SARDH: variants seen among roughly 807,000 people sequenced by gnomAD.
The protein encoded by SARDH is sarcosine dehydrogenase, mitochondrial.
SARDH carries 95 observed loss-of-function variants against 109.1 expected under a neutral mutation model. The observed-to-expected ratio is 0.87, with a 90% CI of 0.74 to 1.03. The LOEUF (loss-of-function observed/expected upper bound fraction) is 1.03, where lower values mean the gene tolerates loss of function less well. Ranked by LOEUF, SARDH falls within the 50% of genes least tolerant of loss-of-function variation. The probability of loss-of-function intolerance (pLI) is 0.00; values close to 1 mark genes in which losing one functional copy is unlikely to be tolerated. For missense variants in SARDH, 1,267 were observed against 1,287.8 expected (o/e 0.98, Z 0.25); for synonymous variants, 572 against 534.8 (o/e 1.07, Z -0.96).
At chr9:133,689,458 C>A (rs78992322) in intron 16 of SARDH, among the ~76,000 whole-genome samples, 1 of 151,986 alleles carries the variant, frequency 6.6e-6, no homozygotes, top group Non-Finnish European at 1.5e-5. Context: ...CGTTTTCTCA[C>A]AGAGGATTTT....
intron 12 of SARDH, chr9:133,703,281 GGA>G: frequency 1.9e-6 from 1 of 528,084 alleles, no homozygotes; most frequent in Non-Finnish European, 3.4e-6. Flanking sequence ...GGAGGCTGGA[GGA>G]GGAGCTGGAT....
chr9:133,706,773 G>A (rs1169153403), intron 11 of SARDH, among the ~76,000 whole-genome samples: 18 of 152,250 alleles, frequency 1.2e-4, no homozygotes, highest in South Asian at 2.1e-4. Context: ...ACGAGGCCCC[G>A]AGCGCAGGGC....
rs187629617 is a variant in SARDH, at chr9:133,716,111, C to T, written c.1150+1215G>A. On this transcript the variant is annotated intron_variant, in intron 8 of 20. Transcript: ENST00000439388. ...ATCCGCGGCAGGCCCAGCGCTGACT[C>T]GCCCTCCAGGGCCGGGCTAGGCTGC... 4.3e-3 allele frequency among the ~76,000 whole-genome samples: 659 copies of T among 152,336 alleles called. 5 individuals carry two copies. Among genetic ancestry groups the T allele is most frequent in the African/African-American group, 0.015 (604 of 41,564 alleles).
At chr9:133,662,866 G>A (rs764328058), downstream of SARDH, among the ~76,000 whole-genome samples, 2 of 152,228 alleles carry the variant, frequency 1.3e-5, no homozygotes, top group Non-Finnish European at 2.9e-5. The surrounding 1 kb of genome is among the most constrained non-coding windows in gnomAD (Gnocchi z 5.1). Flanking sequence ...GGGGGACAAG[G>A]GAGGGGACTG....
At chr9:133,689,150 G>A (rs1326234612) in intron 16 of SARDH, among the ~76,000 whole-genome samples, 1 of 151,138 alleles carries the variant, frequency 6.6e-6, no homozygotes, top group Admixed American at 6.6e-5. Context: ...TGCTCACCTC[G>A]GCGACCTTCA....
rs545967012 is a variant in SARDH at position 133,704,337 on chromosome 9, C to A, written c.1554+611G>T. ...CTGTAAATCTGGATCAAATGCTACCCCTCAGCTGGCCTTAAGGCCTCGCGT... is the reference window on the plus strand; with the variant it reads ...CTGTAAATCTGGATCAAATGCTACCACTCAGCTGGCCTTAAGGCCTCGCGT... On this transcript the variant is annotated intron_variant, in intron 12 of 20. Transcript: ENST00000439388. This position sits in a 1 kb window ranked among gnomAD's most constrained non-coding sequence, Gnocchi z 4.5. Among the ~76,000 whole-genome samples the A allele has an allele frequency of 6.6e-6, 1 of 152,162 alleles. No homozygotes were observed. Among genetic ancestry groups the A allele is most frequent in the African/African-American group, 2.4e-5 (1 of 41,426 alleles).
At chr9:133,687,319 G>A (rs958387926) in intron 16 of SARDH, among the ~76,000 whole-genome samples, 3 of 152,288 alleles carry the variant, frequency 2.0e-5, no homozygotes, top group East Asian at 3.9e-4. Flanking sequence ...CTCCCAGGGC[G>A]GCTTGCAGTG....
intron 20 of SARDH, among the ~76,000 whole-genome samples, chr9:133,664,356 C>T (rs1159254199): frequency 1.3e-5 from 2 of 152,246 alleles, no homozygotes; most frequent in Non-Finnish European, 2.9e-5. Flanking sequence ...GCAAGCACAG[C>T]GGCCAGAGCA....
intron 4 of SARDH, among the ~76,000 whole-genome samples, chr9:133,730,474 A>ATTTT (rs1188374392): frequency 2.6e-5 from 3 of 116,464 alleles, no homozygotes; most frequent in Non-Finnish European, 3.8e-5. Context: ...TTTTTTTAAA[A>ATTTT]AAAAAAAGCA....
chr9:133,690,678 C>T (rs1831059466), intron 15 of SARDH, 151 bp from the exon 16 acceptor site: 1 of 861,454 alleles, frequency 1.2e-6, no homozygotes, highest in East Asian at 2.6e-5. Flanking sequence ...TCTGTCCCTC[C>T]CTGGGTCCCC....
At chr9:133,674,241 C>T (rs1223017689) in intron 17 of SARDH, among the ~76,000 whole-genome samples, 2 of 152,242 alleles carry the variant, frequency 1.3e-5, no homozygotes, top group Admixed American at 6.5e-5. Context: ...CCCAGTCAGC[C>T]GGGCTTGGGT....
chr9:133,674,965 T>C lies in SARDH; in HGVS notation c.2164-3268A>G, dbSNP rs577141628. 2.2e-4 allele frequency among the ~76,000 whole-genome samples: 34 copies of C among 152,234 alleles called. No homozygotes were observed. In the South Asian group the frequency reaches 7.0e-3, roughly 32 times the overall value. ...CGGGATGGGAGAGAACATTTGCAAG[T>C]CTTACATATGATAAGGGCCTTCTAC... On this transcript the variant is annotated intron_variant, in intron 17 of 20. Coordinates refer to ENST00000439388, the MANE Select transcript of SARDH (RefSeq NM_001134707.2).
At chr9:133,690,342 C>G in intron 16 of SARDH, 38 bp downstream of exon 16, 6 of 1,590,010 alleles carry the variant, frequency 3.8e-6, no homozygotes, top group Non-Finnish European at 5.2e-6. Context: ...GTCCAGGCAG[C>G]AGGTGCACCC....
chr9:133,726,637 T>A (rs1832503120), intron 6 of SARDH, among the ~76,000 whole-genome samples: 1 of 152,096 alleles, frequency 6.6e-6, no homozygotes, highest in Non-Finnish European at 1.5e-5. Flanking sequence ...AGCCCTGGCC[T>A]TTCTCTCCAG....
At chr9:133,711,924 C>G (rs545914362) in intron 10 of SARDH, among the ~76,000 whole-genome samples, 3 of 152,204 alleles carry the variant, frequency 2.0e-5, no homozygotes, top group Admixed American at 1.3e-4. Context: ...GAGCCTCCCC[C>G]CTTGCCGGGG....
chr9:133,677,722 G>A (rs940582239), intron 17 of SARDH, among the ~76,000 whole-genome samples: 1 of 152,210 alleles, frequency 6.6e-6, no homozygotes, highest in Non-Finnish European at 1.5e-5. Flanking sequence ...AAGGGCTCAG[G>A]ACCCACAGGG....
chr9:133,717,464 G>A lies in SARDH; in HGVS notation c.1021-9C>T. 6.2e-7 allele frequency: 1 copy of A among 1,613,940 alleles called. No homozygotes were observed. On this transcript the variant is annotated splice_polypyrimidine_tract_variant and intron_variant, in intron 7 of 20. Transcript: ENST00000439388. ...GCAAACTTGTCTGACACCTGCCAAG[G>A]CAGGGCAGGGGAACATCTCCGTTGT... is the stretch of plus-strand genomic sequence containing the variant.
chr9:133,679,312 C>T (rs142237120), intron 17 of SARDH, among the ~76,000 whole-genome samples: 3 of 152,236 alleles, frequency 2.0e-5, no homozygotes, highest in South Asian at 4.1e-4. Flanking sequence ...CAGCTGGTCT[C>T]TGACTGGCAT....
At chr9:133,710,961 G>T (rs1400359655) in intron 10 of SARDH, among the ~76,000 whole-genome samples, 2 of 152,202 alleles carry the variant, frequency 1.3e-5, no homozygotes, top group Non-Finnish European at 2.9e-5. Flanking sequence ...CAGGGTGGGT[G>T]CTCCTCCTCC....
Sources: allele counts gnomAD v4.1 joint callset (sites outside exome capture counted in the v4.1 genomes callset), GRCh38; gene constraint gnomAD v4.1.1; non-coding constraint Gnocchi (gnomAD v3.1); transcripts MANE v1.5; gene names NCBI Gene and HGNC (gene_info 2026-07-23, HGNC 2026-07-21).